SAXO2: variants seen among roughly 807,000 people sequenced by gnomAD.
SAXO2 encodes stabilizer of axonemal microtubules 2.
SAXO2 carries 17 observed loss-of-function variants against 18.7 expected under a neutral mutation model. That is an observed-to-expected ratio of 0.91 (90% CI 0.62 to 1.36). The LOEUF (loss-of-function observed/expected upper bound fraction) is 1.36, where lower values mean the gene tolerates loss of function less well. SAXO2 is among the 40% of genes most tolerant of loss of function. The pLI is 0.00. For synonymous variants in SAXO2, 163 were observed against 181.2 expected, an observed-to-expected ratio of 0.90 and a Z score of 0.81; for missense variants, 486 against 562.6, an observed-to-expected ratio of 0.86 and a Z score of 1.38.
At chr15:82,266,843 G>A (rs1349538270) in intron 2 of SAXO2, among the ~76,000 whole-genome samples, 1 of 152,132 alleles carries the variant, frequency 6.6e-6, no homozygotes, top group Non-Finnish European at 1.5e-5. Context: ...TTTAGAAAAC[G>A]AATACAATGC....
chr15:82,266,606 A>G (rs1016229552), intron 2 of SAXO2, among the ~76,000 whole-genome samples: 1 of 152,170 alleles, frequency 6.6e-6, no homozygotes, highest in African/African-American at 2.4e-5. Flanking sequence ...CTTCCAAGAT[A>G]CTGTTTTCCC....
chr15:82,279,737 G>A (rs1304200338), intron 3 of SAXO2, among the ~76,000 whole-genome samples: 5 of 152,228 alleles, frequency 3.3e-5, no homozygotes, highest in Non-Finnish European at 7.4e-5. Context: ...GACACCACAG[G>A]GAGCAGTCCC....
chr15:82,282,128 G>C lies in SAXO2; in HGVS notation c.443G>C (p.Arg148Thr). The change falls in exon 4 of 4, where the codon AGA becomes ACA. Residue 148 changes from arginine to threonine, a missense_variant. Arg to Thr is a moderately conservative substitution (Grantham distance 71, BLOSUM62 -1). Coordinates refer to ENST00000682753, the MANE Select transcript of SAXO2 (RefSeq NM_001348699.2). The stretch of plus-strand genomic sequence containing the variant: ...TGTTTTAATTTTCAAGACGATTATA[G>C]AGCTTGGGACCTTCATAAAAGTGAA... ...DTVPTYKDDY[R>T]AWDLHKSELY... is the part of the protein sequence containing the mutation. 1 of 1,593,052 alleles carries C rather than the reference G, an allele frequency of 6.3e-7. No homozygotes were observed. Among genetic ancestry groups the C allele is most frequent in the Non-Finnish European group, 8.5e-7 (1 of 1,173,182 alleles).
At position 82,282,418 on chromosome 15, in the gene SAXO2, C is replaced by A; in HGVS notation, c.733C>A (p.Arg245=). The A allele has an allele frequency of 6.2e-7, 1 of 1,614,026 alleles. No homozygotes were observed. Among genetic ancestry groups the A allele is most frequent in the Non-Finnish European group, 8.5e-7 (1 of 1,179,922 alleles). ...ACGCTTTGAGGATCTCACAACTCACCGGTGTGACTTTCAGGGTCTCATTGG... is the reference window on the plus strand; with the variant it reads ...ACGCTTTGAGGATCTCACAACTCACAGGTGTGACTTTCAGGGTCTCATTGG... ...DQRFEDLTTH[R]CDFQGLIGET... is the part of the protein sequence containing the mutation. The change falls in exon 4 of 4, where the codon CGG becomes AGG. Residue 245 remains arginine (R), a synonymous_variant. Transcript: ENST00000682753.
At chr15:82,275,853 T>G (rs2075310472) in intron 3 of SAXO2, among the ~76,000 whole-genome samples, 1 of 152,162 alleles carries the variant, frequency 6.6e-6, no homozygotes, top group Admixed American at 6.5e-5. Flanking sequence ...AAGCATTCCC[T>G]TTGAGAACTG....
Position 82,284,380 on chromosome 15 carries a change from T to C in SAXO2, c.*1318T>C, listed in dbSNP as rs1260178711. On this transcript the variant is annotated 3_prime_UTR_variant, in exon 4 of 4. Coordinates refer to ENST00000682753, the MANE Select transcript of SAXO2 (RefSeq NM_001348699.2). ...GCTTGGAATGGGGTAAATACAGTGG[T>C]TTGAATAACAGTATTTGCAGAAAGG... 2.6e-5 allele frequency: 4 copies of C among 152,050 alleles called. No homozygotes were observed. Among genetic ancestry groups the C allele is most frequent in the Non-Finnish European group, 5.9e-5 (4 of 67,990 alleles). The allele number at this position is 152,050 out of a possible 1,614,324, so 9.4% of individuals were successfully genotyped here.
At chr15:82,267,519 G>A (rs1167874669) in intron 2 of SAXO2, among the ~76,000 whole-genome samples, 1 of 152,130 alleles carries the variant, frequency 6.6e-6, no homozygotes, top group Admixed American at 6.5e-5. Flanking sequence ...CCTTTCACAA[G>A]TTGAAGTTCC....
chr15:82,267,178 G>C (rs1478130858), intron 2 of SAXO2, among the ~76,000 whole-genome samples: 1 of 152,186 alleles, frequency 6.6e-6, no homozygotes, highest in Non-Finnish European at 1.5e-5. Context: ...AATAATATGT[G>C]CCCAAGGTGG....
At chr15:82,263,583 G>A in intron 1 of SAXO2, 1 of 600,144 alleles carries the variant, frequency 1.7e-6, no homozygotes, top group African/African-American at 1.8e-5. Context: ...AAATATGAAC[G>A]TTGTCAATCC....
intron 1 of SAXO2, 64 bp downstream of exon 1, chr15:82,262,996 G>C: frequency 1.3e-6 from 2 of 1,560,434 alleles, no homozygotes; most frequent in East Asian, 2.4e-5. Context: ...CTAGGTGCAC[G>C]GAGCCGGCTC....
intron 3 of SAXO2, among the ~76,000 whole-genome samples, chr15:82,272,747 T>TG (rs1370939818): frequency 6.6e-6 from 1 of 152,040 alleles, no homozygotes; most frequent in Non-Finnish European, 1.5e-5. Flanking sequence ...TTCACCATGT[T>TG]GGCCAGGCTG....
At position 82,282,718 on chromosome 15, in the gene SAXO2, A is replaced by G. The variant is rs529229756; in HGVS notation, c.1033A>G (p.Met345Val). 4 of 1,614,202 alleles carry G rather than the reference A, an allele frequency of 2.5e-6. No individual in the cohort carries two copies. The highest frequency in any genetic ancestry group is 3.4e-6 in the Non-Finnish European group (4 of 1,180,026). ...NNFPFQGKSI[M>V]KEDFPAWESC... ...TTTTCCTTTCCAAGGAAAAAGCATC[A>G]TGAAAGAAGATTTTCCAGCATGGGA... The change falls in exon 4 of 4, where the codon ATG becomes GTG. Residue 345 changes from methionine (M) to valine (V), a missense_variant. Met to Val is a conservative substitution (Grantham distance 21, BLOSUM62 1). Transcript: ENST00000682753.
intron 2 of SAXO2, among the ~76,000 whole-genome samples, chr15:82,269,419 A>T (rs558622589): frequency 6.6e-6 from 1 of 152,322 alleles, no homozygotes; most frequent in African/African-American, 2.4e-5. Context: ...TGGAAAGGAG[A>T]AAATTGTCAA....
At position 82,283,201 on chromosome 15, in the gene SAXO2, A is replaced by C. The variant is rs2075383705; in HGVS notation, c.*139A>C. On this transcript the variant is annotated 3_prime_UTR_variant, in exon 4 of 4. Transcript: ENST00000682753. ...AAACAAGAAAATTGGAAAATATATT[A>C]TAAGAAATCAGAATCTTAAAACCAT... The C allele has an allele frequency of 5.6e-6, 3 of 539,724 alleles. No homozygotes were observed. The Admixed American group carries it at 1.2e-4, about 21-fold the overall frequency. 33.4% of individuals were successfully genotyped at this position (539,724 alleles called of 1,614,324 possible).
At chr15:82,264,029 T>A (rs1375384861) in intron 1 of SAXO2, among the ~76,000 whole-genome samples, 2 of 151,624 alleles carry the variant, frequency 1.3e-5, no homozygotes, top group Non-Finnish European at 2.9e-5. Context: ...CTTCCACAGA[T>A]AACAAATGTT....
intron 2 of SAXO2, among the ~76,000 whole-genome samples, chr15:82,267,171 AAT>A (rs1427679324): frequency 6.6e-6 from 1 of 152,234 alleles, no homozygotes; most frequent in Non-Finnish European, 1.5e-5. Context: ...AGGTCCCAAT[AAT>A]ATGTGCCCAA....
rs2075208609 is a variant in SAXO2, at chr15:82,265,556, A to T, written c.54-13A>T. ...TTTTTTAAGGTTAATCTTTCAGTTT[A>T]TTTTTTGCACAGGCGACATCATTGT... On this transcript the variant is annotated splice_polypyrimidine_tract_variant and intron_variant, in intron 1 of 3. Coordinates refer to ENST00000682753, the MANE Select transcript of SAXO2 (RefSeq NM_001348699.2). The T allele has an allele frequency of 7.6e-7, 1 of 1,310,262 alleles. No individual in the cohort carries two copies. The highest frequency in any genetic ancestry group is 9.7e-7 in the Non-Finnish European group (1 of 1,032,554). The allele number at this position is 1,310,262 out of a possible 1,614,324, so 81.2% of individuals were successfully genotyped here.
rs1313104971 is a variant in SAXO2 at position 82,282,347 on chromosome 15, A to T, written c.662A>T (p.Glu221Val). Reference sequence around the variant, plus strand: ...CTTGATTATATACCTCATCAGCTTGAACTCAAGTTTGAAAGGCCAAAAGAA... The same window carrying T: ...CTTGATTATATACCTCATCAGCTTGTACTCAAGTTTGAAAGGCCAAAAGAA... ...HRLDYIPHQL[E>V]LKFERPKEVY... The change falls in exon 4 of 4, where the codon GAA (glutamate) becomes GTA (valine). Residue 221 changes from glutamate (E) to valine (V), a missense_variant. Coordinates refer to ENST00000682753, the MANE Select transcript of SAXO2 (RefSeq NM_001348699.2). 1 of 1,614,174 alleles carries T rather than the reference A, an allele frequency of 6.2e-7. No homozygotes were observed. Among genetic ancestry groups the T allele is most frequent in the South Asian group, 1.1e-5 (1 of 91,080 alleles).
At chr15:82,277,573 T>C (rs1205489198) in intron 3 of SAXO2, among the ~76,000 whole-genome samples, 2 of 152,164 alleles carry the variant, frequency 1.3e-5, no homozygotes, top group Non-Finnish European at 2.9e-5. Context: ...TGCAGAAGGC[T>C]AGAAAGATTA....
Sources: gnomAD v4.1 joint callset for allele counts (sites outside exome capture counted in the v4.1 genomes callset) on GRCh38, gnomAD v4.1.1 for gene constraint, MANE v1.5 for transcripts, NCBI Gene and HGNC (gene_info 2026-07-23, HGNC 2026-07-21) for gene names.